MPRIP: variants seen among roughly 807,000 people sequenced by gnomAD.
The protein encoded by MPRIP is myosin phosphatase Rho-interacting protein.
A neutral mutation model predicts 234.9 loss-of-function variants in MPRIP; 59 were observed. The ratio of observed to expected loss-of-function variants is 0.25; its 90% CI spans 0.20 to 0.31. The LOEUF (loss-of-function observed/expected upper bound fraction) is 0.31, where lower values mean the gene tolerates loss of function less well. MPRIP is among the 10% of genes least tolerant of loss of function. The pLI, the probability that MPRIP is intolerant of heterozygous loss-of-function variation, is 1.00. For synonymous variants in MPRIP, 1,144 were observed against 1,263.9 expected, an observed-to-expected ratio of 0.91 and a Z score of 2.01; for missense variants, 2,436 against 3,071.0, an observed-to-expected ratio of 0.79 and a Z score of 4.89.
At chr17:17,059,469 G>A (rs1489547072) in intron 1 of MPRIP, among the ~76,000 whole-genome samples, 1 of 152,250 alleles carries the variant, frequency 6.6e-6, no homozygotes, top group Non-Finnish European at 1.5e-5. Flanking sequence ...TCTATAGGAG[G>A]GGCAGTGCAG....
At chr17:17,112,350 A>T (rs1436997207) in intron 3 of MPRIP, among the ~76,000 whole-genome samples, 1 of 152,002 alleles carries the variant, frequency 6.6e-6, no homozygotes, top group East Asian at 1.9e-4. Flanking sequence ...CCTGCATCCC[A>T]CAAGTGCCCA....
intron 19 of MPRIP, 75 bp from the exon 20 acceptor site, chr17:17,175,218 G>A: frequency 6.2e-7 from 1 of 1,605,350 alleles, no homozygotes; most frequent in Non-Finnish European, 8.5e-7. Flanking sequence ...CTAGGGAAAT[G>A]GCCTTCCCGG....
chr17:17,176,655 C>T (rs2046261431), intron 21 of MPRIP, 143 bp downstream of exon 21: 1 of 680,930 alleles, frequency 1.5e-6, no homozygotes, highest in South Asian at 1.8e-5. Context: ...AAAATCAAGC[C>T]CTCTTAAAAG....
In MPRIP at chr17:17,075,743, G is replaced by T. The variant is rs780552158; in HGVS notation, c.157G>T (p.Ala53Ser). ...CATTTATGGCGGTTGGCTGCTCCTGGCTCCAGATGGGACCGACTTTGACAA... is the reference window on the plus strand; with the variant it reads ...CATTTATGGCGGTTGGCTGCTCCTGTCTCCAGATGGGACCGACTTTGACAA... ...KPIYGGWLLL[A>S]PDGTDFDNPV... The change falls in exon 2 of 24, where the codon GCT becomes TCT. Residue 53 changes from alanine (A) to serine (S), a missense_variant. Ala to Ser is a moderately conservative substitution (Grantham distance 99). Transcript: ENST00000651222. 3.1e-6 allele frequency: 5 copies of T among 1,614,066 alleles called. No individual in the cohort carries two copies. Among genetic ancestry groups the T allele is most frequent in the East Asian group, 2.2e-5 (1 of 44,868 alleles).
chr17:17,173,709 A>G, intron 18 of MPRIP: 1 of 698,606 alleles, frequency 1.4e-6, no homozygotes, highest in Admixed American at 2.0e-5. Flanking sequence ...TAGCTGTAGG[A>G]CTGTCAGACT....
chr17:17,146,215 T>A, intron 10 of MPRIP, 123 bp downstream of exon 10: 2 of 844,000 alleles, frequency 2.4e-6, no homozygotes, highest in Non-Finnish European at 3.9e-6. Context: ...GCCCCTTGTC[T>A]TCATGACCAG....
intron 3 of MPRIP, among the ~76,000 whole-genome samples, chr17:17,100,592 T>A (rs1214588418): frequency 6.6e-6 from 1 of 152,060 alleles, no homozygotes; most frequent in Non-Finnish European, 1.5e-5. Context: ...AGCATTAGAT[T>A]TTCATAGGAG....
chr17:17,061,965 A>G (rs2088880800), intron 1 of MPRIP, among the ~76,000 whole-genome samples: 1 of 151,628 alleles, frequency 6.6e-6, no homozygotes, highest in South Asian at 2.1e-4. Flanking sequence ...TGTGTCTGAC[A>G]TGATCATTTT....
chr17:17,057,784 C>T (rs1281963438), intron 1 of MPRIP: 13 of 704,942 alleles, frequency 1.8e-5, no homozygotes, highest in Non-Finnish European at 2.6e-6. Context: ...CGAGGTGGCC[C>T]CTGAAGCATG....
intron 3 of MPRIP, among the ~76,000 whole-genome samples, chr17:17,086,389 G>A (rs2089591653): frequency 6.6e-6 from 1 of 152,226 alleles, no homozygotes; most frequent in Non-Finnish European, 1.5e-5. Flanking sequence ...ATTTGGTCAT[G>A]ACAATTGAGA....
At position 17,138,088 on chromosome 17, in the gene MPRIP, C is replaced by T. The variant is rs368294407; in HGVS notation, c.909C>T (p.Pro303=). The change falls in exon 7 of 24, where the codon CCC becomes CCT. Residue 303 remains proline (P), a synonymous_variant. Transcript: ENST00000651222. This position sits in a 1 kb window ranked among gnomAD's most constrained non-coding sequence, Gnocchi z 5.8. The stretch of plus-strand genomic sequence containing the variant: ...CCCCCAACCACAGGTACAGTTGCCC[C>T]GAGTCGCCCTCCCAGGAGCTCGGTG... ...PSTPNHRYSC[P]ESPSQELGGP... 1.4e-5 allele frequency: 22 copies of T among 1,572,282 alleles called. No individual in the cohort carries two copies. The highest frequency in any genetic ancestry group is 5.5e-5 in the Admixed American group (3 of 54,788).
chr17:17,088,862 C>T (rs766731594), intron 3 of MPRIP, among the ~76,000 whole-genome samples: 10 of 152,148 alleles, frequency 6.6e-5, no homozygotes, highest in African/African-American at 9.7e-5. Flanking sequence ...TTTCTTTGGC[C>T]GGGAAGGAAA....
At chr17:17,097,963 C>A (rs568855643) in intron 3 of MPRIP, among the ~76,000 whole-genome samples, 1 of 152,272 alleles carries the variant, frequency 6.6e-6, no homozygotes, top group African/African-American at 2.4e-5. Context: ...TTGAAAAAAT[C>A]TTATTTTAGA....
chr17:17,146,867 C>T (rs1189685697), intron 10 of MPRIP, among the ~76,000 whole-genome samples: 1 of 152,270 alleles, frequency 6.6e-6, no homozygotes, highest in Non-Finnish European at 1.5e-5. Flanking sequence ...GACTTGGTCT[C>T]TAGCTGGTTA....
At chr17:17,181,194 A>ATT (rs11452230) in intron 23 of MPRIP, among the ~76,000 whole-genome samples, 15 of 149,222 alleles carry the variant, frequency 1.0e-4, no homozygotes, top group East Asian at 2.0e-4. Flanking sequence ...ATTTACCAGT[A>ATT]TTTTTTTTTT....
intron 3 of MPRIP, among the ~76,000 whole-genome samples, chr17:17,093,943 TACTC>T (rs1325850532): frequency 6.6e-6 from 1 of 152,186 alleles, no homozygotes; most frequent in Non-Finnish European, 1.5e-5. Context: ...CTGGTAATGT[TACTC>T]ACAGAGCTGG....
Position 17,158,692 on chromosome 17 carries a change from G to T in MPRIP, c.2090G>T (p.Gly697Val). Residue 697 changes from glycine (G) to valine (V), a missense_variant, in exon 14 of 24, where the codon GGG becomes GTG. By Grantham distance (109) the Gly-to-Val change is moderately radical. This residue lies in a region of MPRIP where 1,998 missense variants were observed against 2,520.3 expected (regional missense o/e 0.79). Coordinates refer to ENST00000651222, the MANE Select transcript of MPRIP (RefSeq NM_001364716.4). The stretch of plus-strand genomic sequence containing the variant: ...CCCCTGCGCCCTGAGGCGGAGCCTG[G>T]GGAGCTGGAGCGGGAGCGTGCACGG... ...HEPLRPEAEP[G>V]ELERERARRR... 1 of 1,609,064 alleles carries T rather than the reference G, an allele frequency of 6.2e-7. No homozygotes were observed. Among genetic ancestry groups the T allele is most frequent in the South Asian group, 1.1e-5 (1 of 90,900 alleles).
intron 3 of MPRIP, among the ~76,000 whole-genome samples, chr17:17,099,461 A>T (rs1316209691): frequency 6.6e-6 from 1 of 152,234 alleles, no homozygotes; most frequent in Non-Finnish European, 1.5e-5. Context: ...TAAAATGTAG[A>T]CAAGAGCCAG....
intron 18 of MPRIP, 103 bp from the exon 19 acceptor site, chr17:17,173,813 G>A (rs1597510309): frequency 7.4e-7 from 1 of 1,346,208 alleles, no homozygotes; most frequent in Non-Finnish European, 1.1e-6. Context: ...GACTGTGTGG[G>A]CCTGACCTGT....
Sources: allele counts gnomAD v4.1 joint callset (sites outside exome capture counted in the v4.1 genomes callset), GRCh38; gene constraint gnomAD v4.1.1; regional missense constraint gnomAD v4.1.1; non-coding constraint Gnocchi (gnomAD v3.1); transcripts MANE v1.5; gene names NCBI Gene and HGNC (gene_info 2026-07-23, HGNC 2026-07-21).